ROCK2: variants seen among roughly 807,000 people sequenced by gnomAD.
ROCK2 encodes Rho associated coiled-coil containing protein kinase 2, also known as rho-associated protein kinase 2.
A neutral mutation model predicts 195.1 loss-of-function variants in ROCK2; 61 were observed. That is an observed-to-expected ratio of 0.31 (90% CI 0.25 to 0.39). The LOEUF (loss-of-function observed/expected upper bound fraction) is 0.39, where lower values mean the gene tolerates loss of function less well. Among genes scored for constraint, ROCK2 ranks in the 10% least tolerant of loss-of-function variants. The probability of loss-of-function intolerance (pLI) is 1.00; values close to 1 mark genes in which losing one functional copy is unlikely to be tolerated. For synonymous variants in ROCK2, 504 were observed against 545.5 expected (o/e 0.92, Z 1.06); for missense variants, 1,109 against 1,637.4 (o/e 0.68, Z 5.57).
At chr2:11,332,892 G>A (rs745640115) in intron 1 of ROCK2, among the ~76,000 whole-genome samples, 4 of 152,264 alleles carry the variant, frequency 2.6e-5, no homozygotes, top group Non-Finnish European at 5.9e-5. Flanking sequence ...AAAACATTAC[G>A]TTAGGTAAAA....
chr2:11,198,930 A>G (rs1663745060), intron 23 of ROCK2, among the ~76,000 whole-genome samples, 156 bp from the exon 24 acceptor site: 1 of 138,786 alleles, frequency 7.2e-6, no homozygotes, highest in Admixed American at 7.9e-5. Flanking sequence ...CACCCAGGTG[A>G]GTCTTGCTCT....
intron 3 of ROCK2, among the ~76,000 whole-genome samples, chr2:11,275,432 T>A (rs1251008546): frequency 2.0e-5 from 3 of 152,130 alleles, no homozygotes; most frequent in Non-Finnish European, 4.4e-5. Flanking sequence ...TAAGGGCAGG[T>A]GACTGTACGA....
chr2:11,210,772 C>T (rs574209139), intron 18 of ROCK2, among the ~76,000 whole-genome samples: 1 of 152,272 alleles, frequency 6.6e-6, no homozygotes, highest in Non-Finnish European at 1.5e-5. Context: ...TTCTAGGCCA[C>T]AGACAAGGAA....
At chr2:11,222,253 A>G (rs1664661986) in intron 7 of ROCK2, 79 bp from the exon 8 acceptor site, 2 of 768,116 alleles carry the variant, frequency 2.6e-6, no homozygotes, top group South Asian at 4.0e-5. Context: ...AGTTTAACCA[A>G]AATAAAGATC....
intron 6 of ROCK2, 24 bp from the exon 7 acceptor site, chr2:11,224,484 C>A: frequency 1.2e-6 from 2 of 1,603,730 alleles, no homozygotes; most frequent in Non-Finnish European, 1.7e-6. Context: ...AAAGAAGATA[C>A]TGAATGTAAC....
At chr2:11,220,539 G>A (rs978422903) in intron 9 of ROCK2, among the ~76,000 whole-genome samples, 28 of 152,146 alleles carry the variant, frequency 1.8e-4, no homozygotes, top group Admixed American at 1.1e-3. Flanking sequence ...GCTAGATGCA[G>A]AGACTACAGG....
chr2:11,220,457 T>C (rs890038786), intron 9 of ROCK2, among the ~76,000 whole-genome samples: 1 of 152,188 alleles, frequency 6.6e-6, no homozygotes, highest in Non-Finnish European at 1.5e-5. Context: ...CCTCAACATA[T>C]TTTCTAATCT....
chr2:11,310,895 C>G (rs1180109409), intron 1 of ROCK2, among the ~76,000 whole-genome samples: 1 of 151,736 alleles, frequency 6.6e-6, no homozygotes, highest in Non-Finnish European at 1.5e-5. Context: ...TGTAATAAAG[C>G]AAGGAAGATT....
At chr2:11,344,749 C>G (rs561656685), upstream of ROCK2, among the ~76,000 whole-genome samples, 628 of 149,674 alleles carry the variant, frequency 4.2e-3, 3 homozygotes, top group African/African-American at 0.014. This position sits in a 1 kb window ranked among gnomAD's most constrained non-coding sequence, Gnocchi z 5.4. Flanking sequence ...CGCGCTTCCT[C>G]CCTTTCTTTC....
At chr2:11,212,114 T>A (rs1375532772) in intron 17 of ROCK2, among the ~76,000 whole-genome samples, 1 of 151,942 alleles carries the variant, frequency 6.6e-6, no homozygotes, top group African/African-American at 2.4e-5. Context: ...AAGGTCTCAT[T>A]AAACACTGCC....
intron 5 of ROCK2, among the ~76,000 whole-genome samples, chr2:11,229,314 T>A (rs1572273418): frequency 6.6e-6 from 1 of 152,242 alleles, no homozygotes; most frequent in East Asian, 1.9e-4. Context: ...GTGTCTTATG[T>A]GGAAGCCCTC....
At chr2:11,335,625 C>CT (rs1668905888) in intron 1 of ROCK2, among the ~76,000 whole-genome samples, 1 of 151,930 alleles carries the variant, frequency 6.6e-6, no homozygotes, top group Admixed American at 6.6e-5. Flanking sequence ...ATCATTAAAC[C>CT]TTTTTTCTCA....
At chr2:11,245,855 T>G in intron 4 of ROCK2, among the ~76,000 whole-genome samples, 1 of 152,126 alleles carries the variant, frequency 6.6e-6, no homozygotes, top group Non-Finnish European at 1.5e-5. Flanking sequence ...AGTCCATGAG[T>G]TCAAACTGAT....
intron 1 of ROCK2, among the ~76,000 whole-genome samples, chr2:11,329,501 A>G (rs922595818): frequency 6.6e-6 from 1 of 151,134 alleles, no homozygotes; most frequent in Non-Finnish European, 1.5e-5. Flanking sequence ...TTAAAAATTT[A>G]TTCACTGTTA....
At chr2:11,250,138 A>G (rs946202163) in intron 3 of ROCK2, among the ~76,000 whole-genome samples, 6 of 152,162 alleles carry the variant, frequency 3.9e-5, no homozygotes, top group African/African-American at 1.4e-4. Context: ...AACTTAAAAT[A>G]TATGTCTACT....
At chr2:11,305,268 C>A (rs572998167) in intron 1 of ROCK2, among the ~76,000 whole-genome samples, 1 of 152,008 alleles carries the variant, frequency 6.6e-6, no homozygotes. Context: ...CCCAACTACT[C>A]GGGAGGCTGA....
chr2:11,253,841 A>G (rs759390112), intron 3 of ROCK2, among the ~76,000 whole-genome samples: 43 of 152,380 alleles, frequency 2.8e-4, no homozygotes, highest in Middle Eastern at 3.4e-3. Flanking sequence ...TGTACAGCTA[A>G]TACTTATATT....
rs1031665372 is a variant in ROCK2, at chr2:11,242,729, C to T, written c.463-6767G>A. Among the ~76,000 whole-genome samples, 6 of 152,264 alleles carry T rather than the reference C, an allele frequency of 3.9e-5. 1 individual carries two copies. In the South Asian group the frequency reaches 1.2e-3, roughly 32 times the overall value. ...TTGCCTCCTTACAATACTAAACTCC[C>T]CACCCAGGGAGGAGCTTATTCACCA... On this transcript the variant is annotated intron_variant, in intron 4 of 32. Coordinates refer to ENST00000315872, the MANE Select transcript of ROCK2 (RefSeq NM_004850.5).
At chr2:11,340,913 C>T (rs538390617) in intron 1 of ROCK2, among the ~76,000 whole-genome samples, 57 of 152,226 alleles carry the variant, frequency 3.7e-4, no homozygotes, top group African/African-American at 1.3e-3. Flanking sequence ...TAAATCAACA[C>T]TCAAAAAGCA....
Sources: allele counts gnomAD v4.1 joint callset (sites outside exome capture counted in the v4.1 genomes callset), GRCh38; gene constraint gnomAD v4.1.1; non-coding constraint Gnocchi (gnomAD v3.1); transcripts MANE v1.5; gene names NCBI Gene and HGNC (gene_info 2026-07-23, HGNC 2026-07-21).